Variants in ACSF2 observed in about 807,000 individuals in gnomAD.
The protein encoded by ACSF2 is acyl-CoA synthetase family member 2.
Under a neutral mutation model 79.3 loss-of-function variants are expected in ACSF2, and 52 were observed. The observed-to-expected ratio is 0.66, with a 90% CI of 0.53 to 0.83. The LOEUF is 0.83. Among genes scored for constraint, ACSF2 ranks in the 40% least tolerant of loss-of-function variants. The pLI is 0.00. For missense variants in ACSF2, 661 were observed against 803.3 expected (o/e 0.82, Z 2.14); for synonymous variants, 283 against 312.6 (o/e 0.91, Z 1.00).
intron 1 of ACSF2, among the ~76,000 whole-genome samples, chr17:50,453,213 T>C (rs2031783318): frequency 2.0e-5 from 3 of 152,148 alleles, no homozygotes; most frequent in South Asian, 4.1e-4. Flanking sequence ...TTTTTAAACA[T>C]TTTTTTAAAA....
At chr17:50,461,597 C>T (rs755154232) in intron 3 of ACSF2, 36 bp from the exon 4 acceptor site, 1 of 1,613,898 alleles carries the variant, frequency 6.2e-7, no homozygotes, top group South Asian at 1.1e-5. Context: ...ACAGGGTCTG[C>T]CCAGAATACT....
rs1452075810 is a variant in ACSF2, at chr17:50,463,490, C to T, written c.984C>T (p.Thr328=). The change falls in exon 8 of 16, where the codon ACC becomes ACT. Residue 328 remains threonine, a synonymous_variant. Transcript: ENST00000300441. This position sits in a 1 kb window ranked among gnomAD's most constrained non-coding sequence, Gnocchi z 4.6. ...TGATGTGTCTGATGTACGGTGCCACCCTCATCCTGGCCTCTCCCATCTTCA... is the reference window on the plus strand; with the variant it reads ...TGATGTGTCTGATGTACGGTGCCACTCTCATCCTGGCCTCTCCCATCTTCA... ...GTMMCLMYGA[T]LILASPIFNG... is the part of the protein sequence containing the mutation. 1 of 1,614,140 alleles carries T rather than the reference C, an allele frequency of 6.2e-7. No individual in the cohort carries two copies. The highest frequency in any genetic ancestry group is 1.7e-5 in the Admixed American group (1 of 60,024).
chr17:50,474,787 T>C lies in ACSF2; in HGVS notation c.*235T>C. 1.8e-6 allele frequency: 1 copy of C among 550,888 alleles called. No homozygotes were observed. The highest frequency in any genetic ancestry group is 2.3e-5 in the South Asian group (1 of 44,170). The allele number at this position is 550,888 out of a possible 1,614,324, so 34.1% of individuals were successfully genotyped here. ...CCTCCCTCCTGTCCATCCCCCACAT[T>C]CCCCTGTCTGTCCTTGTGATTTGGC... is the stretch of plus-strand genomic sequence containing the variant. On this transcript the variant is annotated 3_prime_UTR_variant, in exon 16 of 16. Coordinates refer to ENST00000300441, the MANE Select transcript of ACSF2 (RefSeq NM_025149.6). This position sits in a 1 kb window ranked among gnomAD's most constrained non-coding sequence, Gnocchi z 4.2.
intron 1 of ACSF2, among the ~76,000 whole-genome samples, chr17:50,429,532 A>T (rs8080947): frequency 0.65 from 97,360 of 148,670 alleles, 33,045 homozygotes; most frequent in African/African-American, 0.84. Flanking sequence ...TTTTTTTTTT[A>T]TTTGAGGTGG....
chr17:50,467,885 G>A lies in ACSF2; in HGVS notation c.1216-3143G>A, dbSNP rs149395389. On this transcript the variant is annotated intron_variant, in intron 10 of 15. Coordinates refer to ENST00000300441, the MANE Select transcript of ACSF2 (RefSeq NM_025149.6). ...AGGGATTAGGGTAGGGATGTGACAA[G>A]GCGAGGAAGGGAGGTGGCAGAGCTG... 1.7e-3 allele frequency: 1,147 copies of A among 674,300 alleles called. 13 individuals carry two copies. The African/African-American group carries it at 0.019, about 11-fold the overall frequency. The allele number at this position is 674,300 out of a possible 1,614,324, so 41.8% of individuals were successfully genotyped here. A position where few individuals can be genotyped will look rare whatever the true frequency, so the allele number is the denominator to read the frequency against.
chr17:50,471,488 T>C lies in ACSF2; in HGVS notation c.1323+353T>C. 1 of 298,896 alleles carries C rather than the reference T, an allele frequency of 3.3e-6. No homozygotes were observed. The highest frequency in any genetic ancestry group is 6.5e-6 in the Non-Finnish European group (1 of 153,054). 18.5% of individuals were successfully genotyped at this position (298,896 alleles called of 1,614,324 possible). A position where few individuals can be genotyped will look rare whatever the true frequency, so the allele number is the denominator to read the frequency against. ...AGTTTTCCTACACAGCTTCTTTTCCTCCAGTGGTGCTCGCCTCTCGCTTTA... is the reference window on the plus strand; with the variant it reads ...AGTTTTCCTACACAGCTTCTTTTCCCCCAGTGGTGCTCGCCTCTCGCTTTA... On this transcript the variant is annotated intron_variant, in intron 11 of 15. Coordinates refer to ENST00000300441, the MANE Select transcript of ACSF2 (RefSeq NM_025149.6). The surrounding 1 kb of genome is among the most constrained non-coding windows in gnomAD (Gnocchi z 4.1).
At chr17:50,462,390 CCT>C in intron 5 of ACSF2, 28 bp from the exon 6 acceptor site, 3 of 1,611,882 alleles carry the variant, frequency 1.9e-6, no homozygotes, top group Non-Finnish European at 1.7e-6. Flanking sequence ...TCCCTCAGCC[CCT>C]GTCTCTCACC....
At chr17:50,434,848 G>T (rs373196253) in intron 1 of ACSF2, among the ~76,000 whole-genome samples, 20 of 151,846 alleles carry the variant, frequency 1.3e-4, no homozygotes, top group African/African-American at 3.6e-4. Flanking sequence ...ATTACATACA[G>T]TAAACTGCAC....
intron 10 of ACSF2, among the ~76,000 whole-genome samples, chr17:50,467,081 AC>A (rs2032780597): frequency 6.6e-6 from 1 of 152,128 alleles, no homozygotes; most frequent in Non-Finnish European, 1.5e-5. Flanking sequence ...TTGGTTCCCC[AC>A]CCAAACCTCC....
Position 50,461,927 on chromosome 17 carries a change from GGTGT to G in ACSF2, c.508-235_508-232del, listed in dbSNP as rs35178435. On this transcript the variant is annotated intron_variant, in intron 4 of 15. Transcript: ENST00000300441. ...GGGGGCATGTGTGTGTCAGGGCAGA[GGTGT>G]GTGTGTGTGTGTGTGTGTGTGCGTG... 3.7e-3 allele frequency among the ~76,000 whole-genome samples: 552 copies of G among 148,222 alleles called. 1 individual carries two copies. Among genetic ancestry groups the G allele is most frequent in the South Asian group, 0.011 (52 of 4,576 alleles).
chr17:50,460,522 G>T, intron 1 of ACSF2, 155 bp from the exon 2 acceptor site: 1 of 680,704 alleles, frequency 1.5e-6, no homozygotes. Context: ...AAAAGGGTCT[G>T]GGGGATTTTA....
intron 10 of ACSF2, chr17:50,465,581 G>C: frequency 6.8e-7 from 1 of 1,461,302 alleles, no homozygotes; most frequent in Non-Finnish European, 9.4e-7. Flanking sequence ...GGAAACTGAG[G>C]CTCCCAGGGT....
At chr17:50,432,614 A>AAGGGTAGGAACAATT (rs1481925006) in intron 1 of ACSF2, among the ~76,000 whole-genome samples, 5 of 152,208 alleles carry the variant, frequency 3.3e-5, no homozygotes, top group African/African-American at 1.2e-4. Flanking sequence ...TCTAATAACG[A>AAGGGTAGGAACAATT]AGGGTAGGAA....
intron 10 of ACSF2, chr17:50,465,436 C>A (rs1476305966): frequency 6.2e-7 from 1 of 1,613,444 alleles, no homozygotes; most frequent in East Asian, 2.2e-5. Flanking sequence ...TGGCTTCCAG[C>A]CACCTGGAGA....
chr17:50,450,887 T>A (rs2031629595), intron 1 of ACSF2, among the ~76,000 whole-genome samples: 1 of 152,212 alleles, frequency 6.6e-6, no homozygotes, highest in Admixed American at 6.5e-5. Context: ...TGTTTCCGCC[T>A]TTTGGGTATT....
chr17:50,471,134 A>C lies in ACSF2; in HGVS notation c.1322A>C (p.Glu441Ala), dbSNP rs2033099855. Reference protein sequence around the residue: ...ESVGRIMPHTEARIMNMEAGT... With the variant: ...ESVGRIMPHTAARIMNMEAGT... Reference sequence around the variant, plus strand: ...GTGGGCAGAATTATGCCTCACACGGAGGTGAGCCCCTGACCAAGACTCCAA... The same window carrying C: ...GTGGGCAGAATTATGCCTCACACGGCGGTGAGCCCCTGACCAAGACTCCAA... The change falls in exon 11 of 16, where the codon GAG becomes GCG. Residue 441 changes from glutamate to alanine, a missense_variant and splice_region_variant. By Grantham distance (107) the Glu-to-Ala change is moderately radical. Transcript: ENST00000300441. This position sits in a 1 kb window ranked among gnomAD's most constrained non-coding sequence, Gnocchi z 4.1. 1.2e-6 allele frequency: 2 copies of C among 1,613,652 alleles called. No homozygotes were observed. Among genetic ancestry groups the C allele is most frequent in the East Asian group, 4.5e-5 (2 of 44,856 alleles).
chr17:50,430,871 C>A (rs757614218), intron 1 of ACSF2, among the ~76,000 whole-genome samples: 1 of 152,154 alleles, frequency 6.6e-6, no homozygotes, highest in Non-Finnish European at 1.5e-5. Context: ...TGACTGAAGT[C>A]TCATGTCTCT....
At chr17:50,430,268 A>T (rs1261568958) in intron 1 of ACSF2, among the ~76,000 whole-genome samples, 1 of 152,214 alleles carries the variant, frequency 6.6e-6, no homozygotes, top group East Asian at 1.9e-4. Flanking sequence ...AAGTAATATA[A>T]GTAGAGAGAT....
Position 50,464,268 on chromosome 17 carries a change from A to C in ACSF2, c.1189A>C (p.Asn397His). The C allele has an allele frequency of 1.9e-6, 3 of 1,614,112 alleles. No homozygotes were observed. The highest frequency in any genetic ancestry group is 2.5e-6 in the Non-Finnish European group (3 of 1,180,026). The change falls in exon 10 of 16, where the codon AAC becomes CAC. Residue 397 changes from asparagine to histidine, a missense_variant. Asn to His is a moderately conservative substitution (Grantham distance 68). Transcript: ENST00000300441. Reference protein sequence around the residue: ...APPELIRAIINKINMKDLVVA... With the variant: ...APPELIRAIIHKINMKDLVVA... ...TCCAGAGTTGATCCGAGCCATCATCAACAAGATAAATATGAAGGACCTGGT... is the reference window on the plus strand; with the variant it reads ...TCCAGAGTTGATCCGAGCCATCATCCACAAGATAAATATGAAGGACCTGGT...
Sources: allele counts gnomAD v4.1 joint callset (sites outside exome capture counted in the v4.1 genomes callset), GRCh38; gene constraint gnomAD v4.1.1; non-coding constraint Gnocchi (gnomAD v3.1); transcripts MANE v1.5; gene names NCBI Gene and HGNC (gene_info 2026-07-23, HGNC 2026-07-21).